IPO7: variants seen among roughly 807,000 people sequenced by gnomAD.
IPO7 encodes importin 7, also known as importin-7.
A neutral mutation model predicts 136.4 loss-of-function variants in IPO7; 13 were observed. That is an observed-to-expected ratio of 0.10 (90% CI 0.06 to 0.15). The LOEUF (loss-of-function observed/expected upper bound fraction) is 0.15. Ranked by LOEUF, IPO7 falls within the 10% of genes least tolerant of loss-of-function variation. The probability of loss-of-function intolerance (pLI) is 1.00; values close to 1 mark genes in which losing one functional copy is unlikely to be tolerated. For synonymous variants in IPO7, 403 were observed against 404.4 expected (o/e 1.00, Z 0.04); for missense variants, 857 against 1,240.6 (o/e 0.69, Z 4.65).
At chr11:9,408,449 A>G in intron 2 of IPO7, 37 bp from the exon 3 acceptor site, 1 of 1,357,456 alleles carries the variant, frequency 7.4e-7, no homozygotes, top group Non-Finnish European at 9.8e-7. Flanking sequence ...GTACTTTCAC[A>G]GTAAACATTC....
chr11:9,439,863 G>A (rs1339263398), intron 22 of IPO7, among the ~76,000 whole-genome samples: 7 of 152,150 alleles, frequency 4.6e-5, no homozygotes, highest in African/African-American at 1.7e-4. Context: ...GTGAGCCACC[G>A]CGCCCGGCGA....
At chr11:9,401,042 G>A (rs915069382) in intron 1 of IPO7, among the ~76,000 whole-genome samples, 1 of 152,064 alleles carries the variant, frequency 6.6e-6, no homozygotes, top group Middle Eastern at 3.4e-3. Flanking sequence ...TTAGCTGGGC[G>A]TGGTGGCATG....
At chr11:9,409,895 A>AT (rs1564995781) in intron 3 of IPO7, 33 bp from the exon 4 acceptor site, 9 of 1,477,064 alleles carry the variant, frequency 6.1e-6, no homozygotes, top group Non-Finnish European at 8.1e-6. Context: ...CCTAGTTAGG[A>AT]TTTTTTCCTT....
rs1855183785 is a variant in IPO7 at position 9,425,009 on chromosome 11, T to C, written c.1218+19T>C. ...GAAAGAGGTAGGCTTATTTAATGTT[T>C]AGATAACTTTTCTGTATTATTTAAA... On this transcript the variant is annotated intron_variant, in intron 11 of 24. Coordinates refer to ENST00000379719, the MANE Select transcript of IPO7 (RefSeq NM_006391.3). 6.7e-7 allele frequency: 1 copy of C among 1,484,718 alleles called. No homozygotes were observed. The highest frequency in any genetic ancestry group is 9.3e-7 in the Non-Finnish European group (1 of 1,074,332). 92.0% of individuals were successfully genotyped at this position (1,484,718 alleles called of 1,614,324 possible).
intron 1 of IPO7, among the ~76,000 whole-genome samples, chr11:9,389,701 A>G (rs1164058428): frequency 6.6e-6 from 1 of 152,170 alleles, no homozygotes; most frequent in African/African-American, 2.4e-5. Context: ...TTTACCCAGG[A>G]GACATTTAAA....
At chr11:9,429,345 A>T (rs1488338316) in intron 14 of IPO7, 149 bp downstream of exon 14, 6 of 656,076 alleles carry the variant, frequency 9.1e-6, no homozygotes, top group Non-Finnish European at 1.3e-5. Flanking sequence ...CTACAAAAAA[A>T]ATTTTTAAAA....
At chr11:9,401,145 C>T (rs192257975) in intron 1 of IPO7, among the ~76,000 whole-genome samples, 20 of 151,068 alleles carry the variant, frequency 1.3e-4, no homozygotes, top group African/African-American at 4.4e-4. Flanking sequence ...TGCACCATTG[C>T]ACTCCAGCTT....
chr11:9,397,208 C>T (rs914897793), intron 1 of IPO7, among the ~76,000 whole-genome samples: 2 of 149,978 alleles, frequency 1.3e-5, no homozygotes, highest in African/African-American at 4.9e-5. Context: ...CAGCCTCGAA[C>T]TGCAAACGCA....
At position 9,397,332 on chromosome 11, in the gene IPO7, T is replaced by TAAAAAAAAAAAAAAAAAAAA. The variant is rs757736784; in HGVS notation, c.85-5958_85-5957insAAAAAAAAAAAAAAAAAAAA. On this transcript the variant is annotated intron_variant, in intron 1 of 24. Coordinates refer to ENST00000379719, the MANE Select transcript of IPO7 (RefSeq NM_006391.3). ...AAACCCCGTCTTTACTAAAAATAATTTAAAAAAAAATATATATATATATAT... is the reference window on the plus strand; with the variant it reads ...AAACCCCGTCTTTACTAAAAATAATTAAAAAAAAAAAAAAAAAAAATAAAAAAAAATATATATATATATAT... Among the ~76,000 whole-genome samples the TAAAAAAAAAAAAAAAAAAAA allele has an allele frequency of 1.1e-3, 13 of 12,136 alleles. 6 individuals carry two copies. The highest frequency in any genetic ancestry group is 0.015 in the East Asian group (2 of 132). The allele number at this position is 12,136 out of a possible 152,430, so 8.0% of individuals were successfully genotyped here. A position where few individuals can be genotyped will look rare whatever the true frequency, so the allele number is the denominator to read the frequency against.
rs763223984 is a variant in IPO7 at position 9,430,924 on chromosome 11, G to A, written c.1802G>A (p.Ser601Asn). 5 of 1,611,332 alleles carry A rather than the reference G, an allele frequency of 3.1e-6. No homozygotes were observed. The African/African-American group carries it at 5.3e-5, about 17-fold the overall frequency. ...VIQTGPDEEG[S>N]DDKAVTAMGI... ...CAGACGGGGCCAGATGAAGAAGGTA[G>A]TGATGACAAAGCAGTTACTGCTATG... Residue 601 changes from serine (S) to asparagine (N), a missense_variant, in exon 16 of 25, where the codon AGT (serine) becomes AAT (asparagine). Transcript: ENST00000379719.
chr11:9,426,048 C>CA lies in IPO7; in HGVS notation c.1335+795dup, dbSNP rs1222449357. ...AGTCCAGGCGACAGAGACTCCGTCT[C>CA]AAAAAAAAATAAAAAAATAAAAAAT... On this transcript the variant is annotated intron_variant, in intron 12 of 24. Transcript: ENST00000379719. Among the ~76,000 whole-genome samples, 1,261 of 148,906 alleles carry CA rather than the reference C, an allele frequency of 8.5e-3. 9 individuals carry two copies. The highest frequency in any genetic ancestry group is 0.017 in the Middle Eastern group (5 of 292).
At chr11:9,414,512 G>GA (rs756743285) in intron 5 of IPO7, 101 bp downstream of exon 5, 1 of 647,940 alleles carries the variant, frequency 1.5e-6, no homozygotes, top group Non-Finnish European at 2.4e-6. Context: ...TAGTTAACTT[G>GA]AAAATCTACA....
intron 1 of IPO7, among the ~76,000 whole-genome samples, chr11:9,391,291 T>C (rs1213751672): frequency 6.7e-6 from 1 of 148,332 alleles, no homozygotes; most frequent in Non-Finnish European, 1.5e-5. Context: ...CCCAGCTACT[T>C]GGGAGACTGA....
chr11:9,399,931 C>T (rs1177432481), intron 1 of IPO7, among the ~76,000 whole-genome samples: 2 of 152,146 alleles, frequency 1.3e-5, no homozygotes, highest in Admixed American at 1.3e-4. Flanking sequence ...TTCTTCAATA[C>T]TGTTACTTCT....
At chr11:9,443,881 C>T (rs546760418) in intron 24 of IPO7, among the ~76,000 whole-genome samples, 16 of 152,110 alleles carry the variant, frequency 1.1e-4, no homozygotes, top group African/African-American at 3.6e-4. Flanking sequence ...GCCTGGGTGC[C>T]AGAGTGAGAC....
At position 9,447,863 on chromosome 11, in the gene IPO7, A is replaced by G. The variant is rs1381779502; in HGVS notation, c.*2669A>G. ...ACACTGTATTAAGATAGTGACTGCT[A>G]TACTCAACTCTGGAAGAGACTAGAG... On this transcript the variant is annotated 3_prime_UTR_variant, in exon 25 of 25. Coordinates refer to ENST00000379719, the MANE Select transcript of IPO7 (RefSeq NM_006391.3). The G allele has an allele frequency of 6.6e-6, 1 of 152,212 alleles. No homozygotes were observed. The highest frequency in any genetic ancestry group is 1.5e-5 in the Non-Finnish European group (1 of 68,040). 9.4% of individuals were successfully genotyped at this position (152,212 alleles called of 1,614,324 possible). A position where few individuals can be genotyped will look rare whatever the true frequency, so the allele number is the denominator to read the frequency against.
At chr11:9,390,995 C>T (rs961892561) in intron 1 of IPO7, among the ~76,000 whole-genome samples, 2 of 152,106 alleles carry the variant, frequency 1.3e-5, no homozygotes, top group African/African-American at 4.8e-5. Context: ...GTCTTGAACT[C>T]CTGACCTCAG....
At chr11:9,399,460 A>G (rs976867017) in intron 1 of IPO7, among the ~76,000 whole-genome samples, 7 of 152,000 alleles carry the variant, frequency 4.6e-5, no homozygotes, top group African/African-American at 1.7e-4. Flanking sequence ...CGCGCCCGGC[A>G]GCATTTTAAA....
intron 6 of IPO7, among the ~76,000 whole-genome samples, chr11:9,417,716 T>C (rs1455250033): frequency 7.0e-6 from 1 of 143,710 alleles, no homozygotes; most frequent in Non-Finnish European, 1.5e-5. Context: ...TTCTTTTTTC[T>C]TTTTTTTTTT....
Sources: allele counts gnomAD v4.1 joint callset (sites outside exome capture counted in the v4.1 genomes callset), GRCh38; gene constraint gnomAD v4.1.1; transcripts MANE v1.5; gene names NCBI Gene and HGNC (gene_info 2026-07-23, HGNC 2026-07-21).